The following FOXO1 variants were observed in gnomAD, a reference collection of about 807,000 sequenced individuals.
FOXO1 encodes the protein forkhead box protein O1.
A neutral mutation model predicts 44.1 loss-of-function variants in FOXO1; 6 were observed. That is an observed-to-expected ratio of 0.14 (90% CI 0.07 to 0.27). The LOEUF (loss-of-function observed/expected upper bound fraction) is 0.27, where lower values mean the gene tolerates loss of function less well. FOXO1 is among the 10% of genes least tolerant of loss of function. FOXO1 has a pLI of 1.00. For synonymous variants in FOXO1, 380 were observed against 362.7 expected, an observed-to-expected ratio of 1.05 and a Z score of -0.54; for missense variants, 737 against 888.8, an observed-to-expected ratio of 0.83 and a Z score of 2.17.
chr13:40,642,249 T>A (rs1877375956), intron 1 of FOXO1, among the ~76,000 whole-genome samples: 1 of 152,184 alleles, frequency 6.6e-6, no homozygotes, highest in African/African-American at 2.4e-5. Flanking sequence ...TTCTATAGAT[T>A]TTTTTCACAT....
At chr13:40,582,568 TTAC>T (rs1874998242) in intron 1 of FOXO1, among the ~76,000 whole-genome samples, 1 of 152,204 alleles carries the variant, frequency 6.6e-6, no homozygotes. Flanking sequence ...TCTAAAGCCT[TTAC>T]TGTCATTTCA....
rs1873758370 is a variant in FOXO1 at position 40,556,565 on chromosome 13, T to TA, written c.*2483dup. On this transcript the variant is annotated 3_prime_UTR_variant, in exon 3 of 3. Coordinates refer to ENST00000379561, the MANE Select transcript of FOXO1 (RefSeq NM_002015.4). Reference sequence around the variant, plus strand: ...CATTACTCCAGAAAGTCAGTATTCTTACAGGAAAAAAACTACCAGAGGCCA... The same window carrying TA: ...CATTACTCCAGAAAGTCAGTATTCTTAACAGGAAAAAAACTACCAGAGGCCA... 6.6e-6 allele frequency: 1 copy of TA among 152,598 alleles called. No individual in the cohort carries two copies. The highest frequency in any genetic ancestry group is 2.1e-4 in the South Asian group (1 of 4,836). The allele number at this position is 152,598 out of a possible 1,614,324, so 9.5% of individuals were successfully genotyped here.
At chr13:40,664,160 C>G (rs1469324169) in intron 1 of FOXO1, among the ~76,000 whole-genome samples, 1 of 152,186 alleles carries the variant, frequency 6.6e-6, no homozygotes, top group East Asian at 1.9e-4. Context: ...GTAATCCCAG[C>G]TACTCGGGAG....
chr13:40,665,424 G>A (rs73469068), intron 1 of FOXO1, among the ~76,000 whole-genome samples, 159 bp downstream of exon 1: 1 of 152,096 alleles, frequency 6.6e-6, no homozygotes, highest in African/African-American at 2.4e-5. Context: ...TCCCCGACCG[G>A]ACCCGGGCGA....
intron 1 of FOXO1, among the ~76,000 whole-genome samples, chr13:40,664,085 CAACATGGTGA>C (rs1020157980): frequency 1.6e-4 from 24 of 152,274 alleles, no homozygotes; most frequent in Non-Finnish European, 2.6e-4. Flanking sequence ...ACATCCTGGC[CAACATGGTGA>C]AACCCGGTCT....
chr13:40,559,566 G>A lies in FOXO1; in HGVS notation c.1925C>T (p.Pro642Leu). Residue 642 changes from proline (P) to leucine (L), a missense_variant, in exon 2 of 3, where the codon CCA becomes CTA. This residue lies in a region of FOXO1 where 45 missense variants were observed against 78.3 expected (regional missense o/e 0.57). Coordinates refer to ENST00000379561, the MANE Select transcript of FOXO1 (RefSeq NM_002015.4). The stretch of plus-strand genomic sequence containing the variant: ...ATGTGTCGTTGTCTTGACACTGTGT[G>A]GGAAGCTTTGGTTGGGCAACACATT... ...FDNVLPNQSFPHSVKTTTHSW... is the reference protein window; with the variant it reads ...FDNVLPNQSFLHSVKTTTHSW... 1 of 1,611,904 alleles carries A rather than the reference G, an allele frequency of 6.2e-7. No individual in the cohort carries two copies. The highest frequency in any genetic ancestry group is 8.5e-7 in the Non-Finnish European group (1 of 1,178,774).
chr13:40,573,488 G>T (rs1278526596), intron 1 of FOXO1, among the ~76,000 whole-genome samples: 1 of 152,074 alleles, frequency 6.6e-6, no homozygotes, highest in Admixed American at 6.5e-5. Flanking sequence ...ATGTCAGGTA[G>T]GAAAAAAGGG....
chr13:40,571,562 C>T (rs999285550), intron 1 of FOXO1, among the ~76,000 whole-genome samples: 4 of 152,136 alleles, frequency 2.6e-5, no homozygotes, highest in Admixed American at 6.5e-5. Flanking sequence ...ACAGCCACAA[C>T]TCCCCCATCT....
chr13:40,618,309 C>A (rs561935987), intron 1 of FOXO1, among the ~76,000 whole-genome samples: 11 of 152,252 alleles, frequency 7.2e-5, no homozygotes, highest in Non-Finnish European at 1.3e-4. Flanking sequence ...CTCAAGAGAT[C>A]CACCCATCTC....
chr13:40,609,657 A>C (rs1272710104), intron 1 of FOXO1, among the ~76,000 whole-genome samples: 1 of 152,274 alleles, frequency 6.6e-6, no homozygotes, highest in African/African-American at 2.4e-5. Flanking sequence ...GTCTTCAAGG[A>C]AAACTTTATT....
chr13:40,628,888 T>C (rs1201567633), intron 1 of FOXO1, among the ~76,000 whole-genome samples: 1 of 152,224 alleles, frequency 6.6e-6, no homozygotes, highest in Non-Finnish European at 1.5e-5. Context: ...ACTGTACTAC[T>C]ACAGACAAAC....
intron 1 of FOXO1, among the ~76,000 whole-genome samples, chr13:40,614,395 T>C (rs560681191): frequency 6.6e-6 from 1 of 152,318 alleles, no homozygotes; most frequent in South Asian, 2.1e-4. Flanking sequence ...AATGGCACCA[T>C]ATTTAATTCA....
intron 1 of FOXO1, among the ~76,000 whole-genome samples, chr13:40,658,766 T>C (rs541868895): frequency 2.8e-4 from 42 of 152,168 alleles, no homozygotes; most frequent in Admixed American, 7.8e-4. Flanking sequence ...TCCTAGCACT[T>C]TGGGAGGCCG....
intron 1 of FOXO1, among the ~76,000 whole-genome samples, chr13:40,657,419 C>G (rs9549253): frequency 0.2 from 30,011 of 151,452 alleles, 3,304 homozygotes; most frequent in Non-Finnish European, 0.26. Flanking sequence ...CTCCAACCCC[C>G]TGCCCCAAGT....
intron 1 of FOXO1, among the ~76,000 whole-genome samples, chr13:40,570,756 G>A (rs1247820048): frequency 1.3e-5 from 2 of 152,190 alleles, no homozygotes; most frequent in Non-Finnish European, 2.9e-5. Flanking sequence ...GTGAAAGGAA[G>A]GGCAAAGCCC....
chr13:40,631,519 A>G (rs564427123), intron 1 of FOXO1, among the ~76,000 whole-genome samples: 51 of 152,232 alleles, frequency 3.4e-4, no homozygotes, highest in Non-Finnish European at 6.3e-4. Flanking sequence ...TTGTACATCC[A>G]TATTCACAGC....
chr13:40,620,072 G>A, intron 1 of FOXO1: 6 of 953,500 alleles, frequency 6.3e-6, no homozygotes, highest in South Asian at 5.8e-5. Flanking sequence ...AGGAGGAGAG[G>A]TATAACTCAA....
At chr13:40,647,705 A>T (rs1159002131) in intron 1 of FOXO1, among the ~76,000 whole-genome samples, 1 of 152,112 alleles carries the variant, frequency 6.6e-6, no homozygotes, top group East Asian at 1.9e-4. Context: ...GCGCCCAGCT[A>T]TCTAGTGTCA....
At position 40,583,525 on chromosome 13, in the gene FOXO1, C is replaced by T. The variant is rs142751539; in HGVS notation, c.631-22665G>A. ...CCACCTTCATCAATGGTCTTATCTA[C>T]ATCTTCTGGATAACTTGCTGCTCCT... On this transcript the variant is annotated intron_variant, in intron 1 of 2. Coordinates refer to ENST00000379561, the MANE Select transcript of FOXO1 (RefSeq NM_002015.4). 3.9e-5 allele frequency among the ~76,000 whole-genome samples: 6 copies of T among 152,338 alleles called. No homozygotes were observed. The East Asian group carries it at 1.2e-3, about 29-fold the overall frequency.
Sources: allele counts gnomAD v4.1 joint callset (sites outside exome capture counted in the v4.1 genomes callset), GRCh38; gene constraint gnomAD v4.1.1; regional missense constraint gnomAD v4.1.1; transcripts MANE v1.5; gene names NCBI Gene and HGNC (gene_info 2026-07-23, HGNC 2026-07-21).